ATG13: variants seen among roughly 807,000 people sequenced by gnomAD.
ATG13 encodes autophagy related 13, also known as autophagy-related protein 13.
In ATG13, 23 loss-of-function variants were observed where a neutral mutation model predicts 65.5. The ratio of observed to expected loss-of-function variants is 0.35; its 90% CI spans 0.25 to 0.50. The LOEUF (loss-of-function observed/expected upper bound fraction) is 0.50, where lower values mean the gene tolerates loss of function less well. Among genes scored for constraint, ATG13 ranks in the 20% least tolerant of loss-of-function variants. ATG13 has a pLI of 0.98. For missense variants in ATG13, 566 were observed against 677.0 expected, an observed-to-expected ratio of 0.84 and a Z score of 1.82; for synonymous variants, 252 against 245.2, an observed-to-expected ratio of 1.03 and a Z score of -0.26.
At chr11:46,628,248 C>T (rs1444869939) in intron 1 of ATG13, among the ~76,000 whole-genome samples, 21 of 151,670 alleles carry the variant, frequency 1.4e-4, no homozygotes, top group Admixed American at 1.4e-3. Flanking sequence ...ATTAAAAATA[C>T]AAAAATAAGC....
At chr11:46,649,284 T>C in intron 6 of ATG13, 101 bp downstream of exon 6, 1 of 1,330,632 alleles carries the variant, frequency 7.5e-7, no homozygotes. Context: ...AGGGAGGGCA[T>C]TCTGACCACT....
Position 46,668,582 on chromosome 11 carries a change from C to T in ATG13, c.1329+6C>T, listed in dbSNP as rs1489623537. The T allele has an allele frequency of 6.2e-7, 1 of 1,613,474 alleles. No individual in the cohort carries two copies. Among genetic ancestry groups the T allele is most frequent in the African/African-American group, 1.3e-5 (1 of 74,912 alleles). ...TGGAGGATACCGATCCAATGGTGAG[C>T]CCACCGTTGACTACGAGTTCCCAGT... On this transcript the variant is annotated splice_donor_region_variant and intron_variant, in intron 16 of 18. Coordinates refer to ENST00000683050, the MANE Select transcript of ATG13 (RefSeq NM_001346311.2).
chr11:46,636,475 G>A (rs1340789614), intron 2 of ATG13, among the ~76,000 whole-genome samples: 16 of 148,468 alleles, frequency 1.1e-4, no homozygotes, highest in African/African-American at 3.2e-4. Context: ...GGAGAATGGC[G>A]TGAACCCAGG....
chr11:46,667,421 T>C (rs906835283), intron 14 of ATG13, among the ~76,000 whole-genome samples: 1 of 152,002 alleles, frequency 6.6e-6, no homozygotes, highest in African/African-American at 2.4e-5. Flanking sequence ...GGAGGGATGA[T>C]TGGGGGCGAG....
rs1279372026 is a variant in ATG13, at chr11:46,672,543, AC to A, written c.*212del. ...CCCAGTGCCCAGTTGGAGAAGACTCACGTGCTGGCCTTGGAGATGGGAAGAA... is the reference window on the plus strand; with the variant it reads ...CCCAGTGCCCAGTTGGAGAAGACTCAGTGCTGGCCTTGGAGATGGGAAGAA... On this transcript the variant is annotated 3_prime_UTR_variant, in exon 19 of 19. Transcript: ENST00000683050. The A allele has an allele frequency of 6.9e-7, 1 of 1,452,620 alleles. No homozygotes were observed. Among genetic ancestry groups the A allele is most frequent in the African/African-American group, 1.4e-5 (1 of 71,054 alleles). 90.0% of individuals were successfully genotyped at this position (1,452,620 alleles called of 1,614,324 possible).
intron 7 of ATG13, among the ~76,000 whole-genome samples, chr11:46,652,318 A>G (rs1232266189): frequency 6.6e-6 from 1 of 152,130 alleles, no homozygotes; most frequent in Non-Finnish European, 1.5e-5. Context: ...GATACAAATA[A>G]CTGTAGCTTA....
chr11:46,663,654 T>C (rs2061644085), intron 11 of ATG13, among the ~76,000 whole-genome samples: 1 of 152,238 alleles, frequency 6.6e-6, no homozygotes, highest in East Asian at 1.9e-4. Context: ...AGCTGCTGTC[T>C]GACTTCCTGT....
At chr11:46,639,466 A>C (rs2055138281) in intron 2 of ATG13, among the ~76,000 whole-genome samples, 1 of 152,090 alleles carries the variant, frequency 6.6e-6, no homozygotes, top group Non-Finnish European at 1.5e-5. Flanking sequence ...TGGTTGCTTC[A>C]GGTTGTGGGT....
At chr11:46,667,968 A>G in intron 15 of ATG13, 81 bp downstream of exon 15, 1 of 1,063,908 alleles carries the variant, frequency 9.4e-7, no homozygotes, top group Non-Finnish European at 1.4e-6. Flanking sequence ...TTAACCTGAG[A>G]TATTAATATA....
chr11:46,653,235 C>T (rs534752718), intron 7 of ATG13, among the ~76,000 whole-genome samples: 2 of 147,812 alleles, frequency 1.4e-5, no homozygotes, highest in South Asian at 2.1e-4. Context: ...TGCAGTGGCA[C>T]GATTTTGGCT....
rs2057266704 is a variant in ATG13, at chr11:46,645,408, G to A, written c.139G>A (p.Gly47Ser). Residue 47 changes from glycine (G) to serine (S), a missense_variant, in exon 4 of 19, where the codon GGT becomes AGT. Transcript: ENST00000683050. ...CACTCGTTCATCATCTTCTCCAACG[G>A]GTTCAGATTGGGTAAAATTCTATTA... ...ICTRSSSSPT[G>S]SDWFNLAIKD... The A allele has an allele frequency of 6.2e-7, 1 of 1,613,412 alleles. No homozygotes were observed. The highest frequency in any genetic ancestry group is 8.5e-7 in the Non-Finnish European group (1 of 1,179,706).
intron 1 of ATG13, among the ~76,000 whole-genome samples, chr11:46,624,221 C>T (rs2048697464): frequency 6.6e-6 from 1 of 152,106 alleles, no homozygotes; most frequent in South Asian, 2.1e-4. Context: ...CCAGGCTGGT[C>T]TCGAACTCTT....
chr11:46,638,127 G>C (rs1333817784), intron 2 of ATG13, among the ~76,000 whole-genome samples: 2 of 152,032 alleles, frequency 1.3e-5, no homozygotes, highest in African/African-American at 4.8e-5. Context: ...GTTTCTTTGT[G>C]ATGAGAACAT....
intron 2 of ATG13, among the ~76,000 whole-genome samples, 184 bp from the exon 3 acceptor site, chr11:46,644,093 CTG>C (rs764804221): frequency 2.6e-5 from 4 of 152,142 alleles, no homozygotes; most frequent in Admixed American, 6.6e-5. Flanking sequence ...AGTGTGGAAT[CTG>C]TTTTCCTCAA....
At chr11:46,632,050 T>C (rs1047654262) in intron 2 of ATG13, among the ~76,000 whole-genome samples, 2 of 152,228 alleles carry the variant, frequency 1.3e-5, no homozygotes, top group Non-Finnish European at 2.9e-5. Context: ...ATTACTCAAC[T>C]GTCTTATCAT....
Position 46,668,814 on chromosome 11 carries a change from A to G in ATG13, c.1350A>G (p.Pro450=). The change falls in exon 17 of 19, where the codon CCA becomes CCG. Residue 450 remains proline, a synonymous_variant. Coordinates refer to ENST00000683050, the MANE Select transcript of ATG13 (RefSeq NM_001346311.2). ...AACAGGTGAATCCTCCAGATTCCCCAGAGACTGAATCTCCTCTCCAGGGCA... is the reference window on the plus strand; with the variant it reads ...AACAGGTGAATCCTCCAGATTCCCCGGAGACTGAATCTCCTCTCCAGGGCA... ...TDPMVNPPDS[P]ETESPLQGSL... 6.2e-7 allele frequency: 1 copy of G among 1,613,734 alleles called. No individual in the cohort carries two copies. The highest frequency in any genetic ancestry group is 1.6e-4 in the Middle Eastern group (1 of 6,062).
intron 14 of ATG13, among the ~76,000 whole-genome samples, chr11:46,667,455 G>A (rs1182193648): frequency 6.6e-6 from 1 of 152,222 alleles, no homozygotes; most frequent in Non-Finnish European, 1.5e-5. Context: ...ACATGGCAGG[G>A]AGCCTAGAGA....
intron 2 of ATG13, among the ~76,000 whole-genome samples, chr11:46,640,400 T>C (rs1208805053): frequency 6.6e-6 from 1 of 152,230 alleles, no homozygotes; most frequent in African/African-American, 2.4e-5. Context: ...TGGGAGAAGA[T>C]ATTTGCAGTA....
At chr11:46,644,239 T>A in intron 2 of ATG13, 40 bp from the exon 3 acceptor site, 1 of 1,440,308 alleles carries the variant, frequency 6.9e-7, no homozygotes, top group Non-Finnish European at 9.5e-7. Context: ...AATGCCTTTT[T>A]AAAGATATTA....
Sources: allele counts gnomAD v4.1 joint callset (sites outside exome capture counted in the v4.1 genomes callset), GRCh38; gene constraint gnomAD v4.1.1; transcripts MANE v1.5; gene names NCBI Gene and HGNC (gene_info 2026-07-23, HGNC 2026-07-21).